The following RBFOX1 variants were observed in gnomAD, a reference collection of about 807,000 sequenced individuals.
RBFOX1 encodes RNA binding protein fox-1 homolog 1.
In RBFOX1, 8 loss-of-function variants were observed where a neutral mutation model predicts 57.7. That is an observed-to-expected ratio of 0.14 (90% CI 0.08 to 0.25). RBFOX1 has a LOEUF of 0.25. RBFOX1 is among the 10% of genes least tolerant of loss of function. The pLI is 1.00. For missense variants in RBFOX1, 611 were observed against 548.5 expected, an observed-to-expected ratio of 1.11 and a Z score of -1.14; for synonymous variants, 326 against 222.4, an observed-to-expected ratio of 1.47 and a Z score of -4.15.
At chr16:6,293,278 A>G (rs1599281755) in intron 1 of RBFOX1, among the ~76,000 whole-genome samples, 1 of 152,126 alleles carries the variant, frequency 6.6e-6, no homozygotes, top group South Asian at 2.1e-4. Flanking sequence ...AAACCTAGAC[A>G]CTCTGGCTTC....
At position 6,680,294 on chromosome 16, in the gene RBFOX1, T is replaced by TTTG. The variant is rs60731674; in HGVS notation, c.-16+25644_-16+25645insTTG. Among the ~76,000 whole-genome samples the TTTG allele has an allele frequency of 1.1e-3, 115 of 103,036 alleles. 3 individuals carry two copies. Among genetic ancestry groups the TTTG allele is most frequent in the African/African-American group, 3.1e-3 (85 of 27,828 alleles). The allele number at this position is 103,036 out of a possible 152,430, so 67.6% of individuals were successfully genotyped here. A position where few individuals can be genotyped will look rare whatever the true frequency, so the allele number is the denominator to read the frequency against. On this transcript the variant is annotated intron_variant, in intron 3 of 15. Transcript: ENST00000550418. ...TCTCTCTTTTTTTTTTTTTTTTTTT[T>TTTG]ATTTGTCGCCCAGGCTGGAGTGCAG...
At chr16:5,432,291 A>G (rs1293474931) in intron 1 of RBFOX1, among the ~76,000 whole-genome samples, 2 of 151,480 alleles carry the variant, frequency 1.3e-5, no homozygotes, top group Admixed American at 6.6e-5. Flanking sequence ...TGAAATGGGA[A>G]AAGGCAGGCC....
intron 3 of RBFOX1, among the ~76,000 whole-genome samples, chr16:6,705,767 C>T (rs906350135): frequency 2.0e-5 from 3 of 152,080 alleles, no homozygotes; most frequent in South Asian, 4.1e-4. Context: ...CCTGTAATCC[C>T]AGCAATTTGG....
At chr16:5,795,778 A>G (rs568335242) in intron 3 of RBFOX1, among the ~76,000 whole-genome samples, 52 of 152,350 alleles carry the variant, frequency 3.4e-4, no homozygotes, top group African/African-American at 1.2e-3. Flanking sequence ...GACCTGGAAG[A>G]TAAACAATCC....
intron 7 of RBFOX1, 136 bp from the exon 8 acceptor site, chr16:7,595,413 T>C (rs573351725): frequency 5.3e-5 from 31 of 580,652 alleles, no homozygotes; most frequent in Non-Finnish European, 8.3e-5. Context: ...AGTACTCTTA[T>C]AATTTCTCTA....
chr16:7,462,365 G>C lies in RBFOX1; in HGVS notation c.28-55782G>C, dbSNP rs182101823. On this transcript the variant is annotated intron_variant, in intron 4 of 15. Transcript: ENST00000550418. ...CAAAAATTTGCCTGGTATGATGGTG[G>C]GCTCCTTTAATCCCAGCTACTCAGG... Among the ~76,000 whole-genome samples the C allele has an allele frequency of 1.8e-3, 273 of 152,272 alleles. 2 individuals are homozygous for C. Among genetic ancestry groups the C allele is most frequent in the African/African-American group, 6.1e-3 (252 of 41,562 alleles).
At position 6,094,435 on chromosome 16, in the gene RBFOX1, G is replaced by C. The variant is rs550883337; in HGVS notation, c.-127+74443G>C. 1.1e-4 allele frequency among the ~76,000 whole-genome samples: 17 copies of C among 152,306 alleles called. 2 individuals are homozygous for C. In the South Asian group the frequency reaches 2.5e-3, roughly 22 times the overall value. ...AACCTAAAACGCTTGGACTCACAGAGAAAGGCAGAATTAATCACTCTCTAA... is the reference window on the plus strand; with the variant it reads ...AACCTAAAACGCTTGGACTCACAGACAAAGGCAGAATTAATCACTCTCTAA... On this transcript the variant is annotated intron_variant, in intron 1 of 15. Coordinates refer to ENST00000550418, the MANE Select transcript of RBFOX1 (RefSeq NM_018723.4).
At chr16:6,546,036 C>A (rs1168690021) in intron 2 of RBFOX1, among the ~76,000 whole-genome samples, 1 of 152,178 alleles carries the variant, frequency 6.6e-6, no homozygotes, top group Non-Finnish European at 1.5e-5. Flanking sequence ...AATACACAAA[C>A]ACTAACAATA....
chr16:7,660,430 C>A (rs998533232), intron 12 of RBFOX1, among the ~76,000 whole-genome samples: 3 of 151,960 alleles, frequency 2.0e-5, no homozygotes, highest in African/African-American at 7.3e-5. Flanking sequence ...ATAGCTGCAC[C>A]GCAGACATGG....
Position 7,567,234 on chromosome 16 carries a change from T to TATATCC in RBFOX1, c.271-12539_271-12538insCCATAT, listed in dbSNP as rs1567864349. 3.5e-3 allele frequency among the ~76,000 whole-genome samples: 208 copies of TATATCC among 60,068 alleles called. 1 individual carries two copies. Among genetic ancestry groups the TATATCC allele is most frequent in the African/African-American group, 0.013 (196 of 15,300 alleles). 39.4% of individuals were successfully genotyped at this position (60,068 alleles called of 152,430 possible). A position where few individuals can be genotyped will look rare whatever the true frequency, so the allele number is the denominator to read the frequency against. On this transcript the variant is annotated intron_variant, in intron 5 of 15. Coordinates refer to ENST00000550418, the MANE Select transcript of RBFOX1 (RefSeq NM_018723.4). ...AAATATCCATATATATATCCCTATA[T>TATATCC]ATATATCCATATATCCCTATATATA...
intron 14 of RBFOX1, among the ~76,000 whole-genome samples, chr16:7,678,802 C>A (rs1179982015): frequency 1.3e-5 from 2 of 152,140 alleles, no homozygotes; most frequent in Non-Finnish European, 2.9e-5. Flanking sequence ...CATGTAAAAT[C>A]TGTTATTTTG....
chr16:7,038,710 G>C (rs534425976), intron 3 of RBFOX1, among the ~76,000 whole-genome samples: 30 of 152,258 alleles, frequency 2.0e-4, no homozygotes, highest in African/African-American at 7.2e-4. Flanking sequence ...GGAGGCCGAA[G>C]GGGATATTGG....
intron 1 of RBFOX1, among the ~76,000 whole-genome samples, chr16:6,178,081 C>G (rs551875173): frequency 6.6e-6 from 1 of 151,880 alleles, no homozygotes; most frequent in African/African-American, 2.4e-5. Flanking sequence ...TGATTGCTTC[C>G]TAACCAACAG....
intron 1 of RBFOX1, among the ~76,000 whole-genome samples, chr16:6,241,274 G>C (rs1422124794): frequency 6.6e-6 from 1 of 152,152 alleles, no homozygotes; most frequent in Non-Finnish European, 1.5e-5. Flanking sequence ...AAATGAATCT[G>C]GCCTATGGAT....
intron 4 of RBFOX1, among the ~76,000 whole-genome samples, chr16:7,432,275 A>G (rs1344339348): frequency 6.6e-6 from 1 of 152,236 alleles, no homozygotes; most frequent in Non-Finnish European, 1.5e-5. Context: ...ATGCTGGGAG[A>G]GAAGTGAACT....
At chr16:7,565,459 A>G (rs2091448288) in intron 5 of RBFOX1, among the ~76,000 whole-genome samples, 1 of 152,176 alleles carries the variant, frequency 6.6e-6, no homozygotes, top group South Asian at 2.1e-4. Context: ...AATGTATTGA[A>G]TTATGCCAGC....
intron 2 of RBFOX1, among the ~76,000 whole-genome samples, chr16:6,523,575 C>T (rs932237709): frequency 1.3e-5 from 2 of 152,186 alleles, no homozygotes; most frequent in South Asian, 2.1e-4. Context: ...CCTTGCCTTT[C>T]AGTCTGTATT....
Position 7,583,321 on chromosome 16 carries a change from G to A in RBFOX1, c.414+3401G>A, listed in dbSNP as rs191618582. ...AAATGGTTCATTGGAAGGGATGTTA[G>A]TTTTATAGGTGGCTACTTTTTCCTT... On this transcript the variant is annotated intron_variant, in intron 6 of 15. Coordinates refer to ENST00000550418, the MANE Select transcript of RBFOX1 (RefSeq NM_018723.4). Among the ~76,000 whole-genome samples the A allele has an allele frequency of 7.0e-4, 106 of 152,250 alleles. 1 individual carries two copies. Among genetic ancestry groups the A allele is most frequent in the African/African-American group, 2.3e-3 (96 of 41,574 alleles).
chr16:7,242,358 G>A (rs1007206570), intron 4 of RBFOX1, among the ~76,000 whole-genome samples: 2 of 152,198 alleles, frequency 1.3e-5, no homozygotes, highest in Non-Finnish European at 2.9e-5. Context: ...TTCTGATGCA[G>A]ACAGGTTGTG....
Sources: allele counts gnomAD v4.1 joint callset (sites outside exome capture counted in the v4.1 genomes callset), GRCh38; gene constraint gnomAD v4.1.1; transcripts MANE v1.5; gene names NCBI Gene and HGNC (gene_info 2026-07-23, HGNC 2026-07-21).